CTBS: variants seen among roughly 807,000 people sequenced by gnomAD.
CTBS encodes di-N-acetylchitobiase.
A neutral mutation model predicts 44.3 loss-of-function variants in CTBS; 35 were observed. The ratio of observed to expected loss-of-function variants is 0.79; its 90% CI spans 0.60 to 1.05. The LOEUF is 1.05. Among genes scored for constraint, CTBS ranks in the 50% least tolerant of loss-of-function variants. CTBS has a pLI of 0.00. For synonymous variants in CTBS, 143 were observed against 168.0 expected (o/e 0.85, Z 1.15); for missense variants, 458 against 475.3 (o/e 0.96, Z 0.34).
chr1:84,566,039 T>C (rs1439542466), intron 3 of CTBS, 27 bp from the exon 4 acceptor site: 6 of 1,450,742 alleles, frequency 4.1e-6, no homozygotes, highest in Admixed American at 2.3e-5. Context: ...TACTATTTTA[T>C]GTAATATGAT....
chr1:84,566,071 A>G, intron 3 of CTBS, 59 bp from the exon 4 acceptor site: 1 of 1,071,688 alleles, frequency 9.3e-7, no homozygotes, highest in Non-Finnish European at 1.2e-6. Flanking sequence ...ATTACGTCAG[A>G]TTTTTAAAAT....
rs1684393775 is a variant in CTBS at position 84,555,215 on chromosome 1, A to T, written c.958-16T>A. On this transcript the variant is annotated splice_polypyrimidine_tract_variant and intron_variant, in intron 6 of 6. Transcript: ENST00000370630. ...CAGCAGGATCCTATATAAATAAATT[A>T]AAATGGAGATTTTAAAGTATTTAGT... is the stretch of plus-strand genomic sequence containing the variant. The T allele has an allele frequency of 6.3e-7, 1 of 1,579,468 alleles. No homozygotes were observed. The highest frequency in any genetic ancestry group is 8.7e-7 in the Non-Finnish European group (1 of 1,154,608).
At position 84,563,811 on chromosome 1, in the gene CTBS, A is replaced by C. The variant is rs1371248297; in HGVS notation, c.719T>G (p.Met240Arg). 1 of 1,607,398 alleles carries C rather than the reference A, an allele frequency of 6.2e-7. No individual in the cohort carries two copies. The highest frequency in any genetic ancestry group is 1.7e-5 in the Admixed American group (1 of 59,430). ...TACAAGTTTCTTAGGATTAATGCTC[A>C]TCTTGATGTAGTCATTATATCCTAG... ...TLTGYNDYIKMSINPKKLVMG... is the reference protein window; with the variant it reads ...TLTGYNDYIKRSINPKKLVMG... Residue 240 changes from methionine (M) to arginine (R), a missense_variant, in exon 5 of 7, where the codon ATG becomes AGG. Physicochemically the swap from Met to Arg is moderately conservative, Grantham distance 91. Coordinates refer to ENST00000370630, the MANE Select transcript of CTBS (RefSeq NM_004388.3).
chr1:84,561,595 G>A (rs966425352), intron 6 of CTBS, among the ~76,000 whole-genome samples: 13 of 152,122 alleles, frequency 8.5e-5, no homozygotes, highest in East Asian at 3.8e-4. Flanking sequence ...ATAGCATCAC[G>A]TTTTACACAG....
rs148118320 is a variant in CTBS, at chr1:84,563,384, C to G, written c.830G>C (p.Arg277Pro). ...TGCAGCGTCACTACAAGGAGCCCCC[C>G]GGAAAGGGACTTTTGCAATGGTACA... ...HVCTIAKVPF[R>P]GAPCSDAAGR... The change falls in exon 6 of 7, where the codon CGG becomes CCG. Residue 277 changes from arginine (R) to proline (P), a missense_variant. Physicochemically the swap from Arg to Pro is moderately radical, Grantham distance 103. Transcript: ENST00000370630. The G allele has an allele frequency of 1.3e-6, 2 of 1,574,830 alleles. No individual in the cohort carries two copies. Among genetic ancestry groups the G allele is most frequent in the Non-Finnish European group, 8.6e-7 (1 of 1,162,790 alleles).
chr1:84,573,794 G>T, intron 1 of CTBS: 1 of 696,098 alleles, frequency 1.4e-6, no homozygotes, highest in Non-Finnish European at 1.8e-6. Context: ...TAAAGGAAAG[G>T]GCTAGCAGGT....
chr1:84,569,644 C>A lies in CTBS; in HGVS notation c.525+287G>T, dbSNP rs148536187. ...GCATTGGTAAAAGCTGGTTAGGCGC[C>A]CCCCTTGATTTTTGTTCTCCCATTG... On this transcript the variant is annotated intron_variant, in intron 3 of 6. Transcript: ENST00000370630. Among the ~76,000 whole-genome samples the A allele has an allele frequency of 3.9e-5, 6 of 152,246 alleles. No individual in the cohort carries two copies. The East Asian group carries it at 1.2e-3, about 29-fold the overall frequency.
chr1:84,574,015 C>A, intron 1 of CTBS: 3 of 1,397,372 alleles, frequency 2.1e-6, no homozygotes, highest in Non-Finnish European at 2.8e-6. Context: ...CTCTCGCCTG[C>A]CTACGCAGGC....
At position 84,570,728 on chromosome 1, in the gene CTBS, A is replaced by G. The variant is rs781041945; in HGVS notation, c.178-8T>C. On this transcript the variant is annotated splice_polypyrimidine_tract_variant and splice_region_variant and intron_variant, in intron 1 of 6. Transcript: ENST00000370630. The stretch of plus-strand genomic sequence containing the variant: ...AACATCAAACACAAAGACCTGCCAG[A>G]ACAAAGATGAGCACCATCATTTAAA... 1.2e-6 allele frequency: 2 copies of G among 1,610,614 alleles called. No individual in the cohort carries two copies. The highest frequency in any genetic ancestry group is 2.2e-5 in the South Asian group (2 of 90,644).
At position 84,574,356 on chromosome 1, in the gene CTBS, C is replaced by A. The variant is rs778760119; in HGVS notation, c.60G>T (p.Pro20=). The change falls in exon 1 of 7, where the codon CCG becomes CCT. Residue 20 remains proline, a synonymous_variant. Coordinates refer to ENST00000370630, the MANE Select transcript of CTBS (RefSeq NM_004388.3). ...RLVSSPPSGV[P]GLALLALLAL... is the part of the protein sequence containing the mutation. Reference sequence around the variant, plus strand: ...CCAGCAGCGCCAGCAGCGCTAGACCCGGGACGCCGCTCGGCGGGCTAGAGA... The same window carrying A: ...CCAGCAGCGCCAGCAGCGCTAGACCAGGGACGCCGCTCGGCGGGCTAGAGA... 2.7e-5 allele frequency: 42 copies of A among 1,569,262 alleles called. No individual in the cohort carries two copies. In the African/African-American group the frequency reaches 5.0e-4, roughly 19 times the overall value.
intron 6 of CTBS, 26 bp from the exon 7 acceptor site, chr1:84,555,225 T>C (rs756490636): frequency 1.7e-4 from 257 of 1,489,830 alleles, no homozygotes; most frequent in Non-Finnish European, 2.2e-4. Context: ...AAAATGGAGA[T>C]TTTAAAGTAT....
chr1:84,558,206 C>T (rs1307289102), intron 6 of CTBS, among the ~76,000 whole-genome samples: 1 of 152,020 alleles, frequency 6.6e-6, no homozygotes, highest in Non-Finnish European at 1.5e-5. Context: ...TGTTAAATAA[C>T]TTGATTTAGC....
Position 84,550,309 on chromosome 1 carries a change from G to T in CTBS, c.*4690C>A, listed in dbSNP as rs1684232432. Reference sequence around the variant, plus strand: ...CCAAAGCAATTTAGTTTACTTTACGGAATAGGTTATTTTCATGATTTACTC... The same window carrying T: ...CCAAAGCAATTTAGTTTACTTTACGTAATAGGTTATTTTCATGATTTACTC... On this transcript the variant is annotated 3_prime_UTR_variant, in exon 7 of 7. Coordinates refer to ENST00000370630, the MANE Select transcript of CTBS (RefSeq NM_004388.3). The T allele has an allele frequency of 4.3e-6, 2 of 465,032 alleles. No homozygotes were observed. Among genetic ancestry groups the T allele is most frequent in the Non-Finnish European group, 7.3e-6 (2 of 273,460 alleles). 28.8% of individuals were successfully genotyped at this position (465,032 alleles called of 1,614,324 possible).
intron 3 of CTBS, 78 bp downstream of exon 3, chr1:84,569,853 G>A: frequency 8.0e-7 from 1 of 1,245,222 alleles, no homozygotes; most frequent in South Asian, 1.3e-5. Context: ...ATAAAACAAA[G>A]ATTATATTAG....
chr1:84,549,726 A>G lies in CTBS; in HGVS notation c.*5273T>C, dbSNP rs1684213556. 1 of 152,176 alleles carries G rather than the reference A, an allele frequency of 6.6e-6. No individual in the cohort carries two copies. The highest frequency in any genetic ancestry group is 2.4e-5 in the African/African-American group (1 of 41,456). 9.4% of individuals were successfully genotyped at this position (152,176 alleles called of 1,614,324 possible). On this transcript the variant is annotated 3_prime_UTR_variant, in exon 7 of 7. Coordinates refer to ENST00000370630, the MANE Select transcript of CTBS (RefSeq NM_004388.3). ...TGGGTTGGATCAATCCCACTTATCC[A>G]AAAGTAATTTTAAAATATGTTAACT...
Position 84,563,386 on chromosome 1 carries a change from G to GA in CTBS, c.827dup (p.Arg277ProfsTer6). 6.3e-7 allele frequency: 1 copy of GA among 1,576,198 alleles called. No individual in the cohort carries two copies. Among genetic ancestry groups the GA allele is most frequent in the Non-Finnish European group, 8.6e-7 (1 of 1,163,568 alleles). ...CAGCGTCACTACAAGGAGCCCCCCG[G>GA]AAAGGGACTTTTGCAATGGTACAAA... is the stretch of plus-strand genomic sequence containing the variant. On this transcript the variant is annotated frameshift_variant, in exon 6 of 7. Coordinates refer to ENST00000370630, the MANE Select transcript of CTBS (RefSeq NM_004388.3). LOFTEE classifies it high-confidence loss of function.
chr1:84,564,680 G>A (rs1211911080), intron 4 of CTBS, among the ~76,000 whole-genome samples: 1 of 152,066 alleles, frequency 6.6e-6, no homozygotes, highest in Middle Eastern at 3.2e-3. Flanking sequence ...TGTCTTGCCT[G>A]AAACACAGTT....
At chr1:84,560,573 C>T (rs72950341) in intron 6 of CTBS, among the ~76,000 whole-genome samples, 13,661 of 152,202 alleles carry the variant, frequency 0.09, 1,204 homozygotes, top group African/African-American at 0.23. Flanking sequence ...AAGGCAGAGA[C>T]CCCTTTCTTC....
intron 6 of CTBS, among the ~76,000 whole-genome samples, chr1:84,561,861 C>T (rs1256950328): frequency 6.6e-6 from 1 of 152,190 alleles, no homozygotes; most frequent in African/African-American, 2.4e-5. Flanking sequence ...TGCTATTACA[C>T]ACTTAACAGA....
Sources: gnomAD v4.1 joint callset for allele counts (sites outside exome capture counted in the v4.1 genomes callset) on GRCh38, gnomAD v4.1.1 for gene constraint, MANE v1.5 for transcripts, NCBI Gene and HGNC (gene_info 2026-07-23, HGNC 2026-07-21) for gene names.